ELFN1: variants seen among roughly 807,000 people sequenced by gnomAD.
ELFN1 encodes the protein protein ELFN1.
In ELFN1, 6 loss-of-function variants were observed where a neutral mutation model predicts 7.6. The ratio of observed to expected loss-of-function variants is 0.79; its 90% CI spans 0.43 to 1.56. The LOEUF is 1.56. Ranked by LOEUF, ELFN1 falls within the 40% of genes most tolerant of loss-of-function variation. ELFN1 has a pLI of 0.01. For synonymous variants in ELFN1, 657 were observed against 588.1 expected, an observed-to-expected ratio of 1.12 and a Z score of -1.70; for missense variants, 1,169 against 1,232.2, an observed-to-expected ratio of 0.95 and a Z score of 0.77.
rs536096245 is a variant in ELFN1 at position 1,676,557 on chromosome 7, A to G, written c.-549+6203A>G. On this transcript the variant is annotated intron_variant, in intron 1 of 3. Coordinates refer to ENST00000424383, the MANE Select transcript of ELFN1 (RefSeq NM_001128636.4). Reference sequence around the variant, plus strand: ...AAAGGGCAGAGCCGCCACTGCTGGCAGAATCCCCCGCCCTTCTGACTTGCC... The same window carrying G: ...AAAGGGCAGAGCCGCCACTGCTGGCGGAATCCCCCGCCCTTCTGACTTGCC... Among the ~76,000 whole-genome samples, 10 of 152,374 alleles carry G rather than the reference A, an allele frequency of 6.6e-5. No individual in the cohort carries two copies. In the East Asian group the frequency reaches 1.9e-3, roughly 29 times the overall value.
chr7:1,743,188 G>A (rs1043509004), intron 3 of ELFN1, among the ~76,000 whole-genome samples: 6 of 152,284 alleles, frequency 3.9e-5, no homozygotes, highest in African/African-American at 1.4e-4. Context: ...GGGCTTCCCC[G>A]CCTACAGCTC....
In ELFN1 at chr7:1,747,313, C is replaced by CACAG. The variant is rs3077247; in HGVS notation, c.*233_*234insGACA. 0.43 allele frequency: 119,833 copies of CACAG among 279,604 alleles called. 27,214 individuals carry two copies. The highest frequency in any genetic ancestry group is 0.56 in the Admixed American group (10,190 of 18,356). The allele number at this position is 279,604 out of a possible 1,614,324, so 17.3% of individuals were successfully genotyped here. On this transcript the variant is annotated 3_prime_UTR_variant, in exon 4 of 4. Transcript: ENST00000424383. Reference sequence around the variant, plus strand: ...CGGGTGGCACGTGTCCACACACACACACACACACACACACACACACACGAG... The same window carrying CACAG: ...CGGGTGGCACGTGTCCACACACACACACAGACACACACACACACACACACACGAG...
rs1430871003 is a variant in ELFN1, at chr7:1,705,933, G to C, written c.-455-3158G>C. ...CTGCGGTTCCAGACGAGATTGAACT[G>C]TGAGCCTTCACCCTGACAAAGGGAT... On this transcript the variant is annotated intron_variant, in intron 2 of 3. Transcript: ENST00000424383. This position sits in a 1 kb window ranked among gnomAD's most constrained non-coding sequence, Gnocchi z 4.3. Among the ~76,000 whole-genome samples the C allele has an allele frequency of 2.6e-5, 4 of 152,194 alleles. No homozygotes were observed. The highest frequency in any genetic ancestry group is 2.6e-4 in the Admixed American group (4 of 15,280).
intron 3 of ELFN1, among the ~76,000 whole-genome samples, chr7:1,725,956 G>A (rs2398736): frequency 0.42 from 63,719 of 151,612 alleles, 16,303 homozygotes; most frequent in African/African-American, 0.73. Context: ...ACGCACAAAA[G>A]TCACACAATA....
At chr7:1,690,495 A>G (rs10950332) in intron 2 of ELFN1, among the ~76,000 whole-genome samples, 127,737 of 151,194 alleles carry the variant, frequency 0.84, 54,468 homozygotes, top group African/African-American at 0.96. Context: ...TGGGTAGATA[A>G]GTGGATGGAT....
rs143376319 is a variant in ELFN1, at chr7:1,747,302, CCACACA to C, written c.*247_*252del. The stretch of plus-strand genomic sequence containing the variant: ...GCTTGTCGCCCCGGGTGGCACGTGT[CCACACA>C]CACACACACACACACACACACACAC... On this transcript the variant is annotated 3_prime_UTR_variant, in exon 4 of 4. Coordinates refer to ENST00000424383, the MANE Select transcript of ELFN1 (RefSeq NM_001128636.4). 151 of 270,268 alleles carry C rather than the reference CCACACA, an allele frequency of 5.6e-4. No individual in the cohort carries two copies. The highest frequency in any genetic ancestry group is 4.3e-3 in the African/African-American group (136 of 31,940). 16.7% of individuals were successfully genotyped at this position (270,268 alleles called of 1,614,324 possible).
intron 3 of ELFN1, among the ~76,000 whole-genome samples, chr7:1,733,593 G>A (rs1780369914): frequency 6.6e-6 from 1 of 152,106 alleles, no homozygotes; most frequent in Non-Finnish European, 1.5e-5. Flanking sequence ...TGCCTGGGGC[G>A]GCCGCATCCC....
chr7:1,717,751 G>A (rs577034068), intron 3 of ELFN1, among the ~76,000 whole-genome samples: 3 of 152,292 alleles, frequency 2.0e-5, no homozygotes, highest in South Asian at 2.1e-4. Flanking sequence ...TCCAACACAC[G>A]TGGCATGTGC....
chr7:1,674,654 G>T (rs1432536516), intron 1 of ELFN1, among the ~76,000 whole-genome samples: 1 of 152,154 alleles, frequency 6.6e-6, no homozygotes, highest in Non-Finnish European at 1.5e-5. Context: ...CTCGACGTCT[G>T]CCCTAATGTC....
At chr7:1,678,476 G>T (rs1008142382) in intron 1 of ELFN1, among the ~76,000 whole-genome samples, 4 of 152,206 alleles carry the variant, frequency 2.6e-5, no homozygotes, top group Non-Finnish European at 5.9e-5. Flanking sequence ...CCAGAAGGCC[G>T]AGGCATGGAG....
chr7:1,739,803 T>G lies in ELFN1; in HGVS notation c.-293-4501T>G, dbSNP rs1416441822. Among the ~76,000 whole-genome samples the G allele has an allele frequency of 6.6e-6, 1 of 151,582 alleles. No homozygotes were observed. The highest frequency in any genetic ancestry group is 1.5e-5 in the Non-Finnish European group (1 of 67,896). On this transcript the variant is annotated intron_variant, in intron 3 of 3. Transcript: ENST00000424383. The surrounding 1 kb of genome is among the most constrained non-coding windows in gnomAD (Gnocchi z 4.6). The stretch of plus-strand genomic sequence containing the variant: ...CACCGGTGGCCTTGGTGAGAGCGGC[T>G]CAGAGGGCCCGAGGGGGGACGCCCG...
rs573989725 is a variant in ELFN1 at position 1,745,307 on chromosome 7, C to T, written c.711C>T (p.Arg237=). 29 of 1,538,774 alleles carry T rather than the reference C, an allele frequency of 1.9e-5. No individual in the cohort carries two copies. Among genetic ancestry groups the T allele is most frequent in the Middle Eastern group, 3.3e-4 (2 of 5,988 alleles). ...ACTACCTCCTGGGCCAGGGCCGCCGCGGCCACCGCAGCATCCTCAGCAAAC... is the reference window on the plus strand; with the variant it reads ...ACTACCTCCTGGGCCAGGGCCGCCGTGGCCACCGCAGCATCCTCAGCAAAC... The part of the protein sequence containing the change: ...SGYYLLGQGR[R]GHRSILSKLQ... The change falls in exon 4 of 4, where the codon CGC becomes CGT. Residue 237 remains arginine (R), a synonymous_variant. Coordinates refer to ENST00000424383, the MANE Select transcript of ELFN1 (RefSeq NM_001128636.4).
chr7:1,730,317 G>A (rs1259340024), intron 3 of ELFN1, among the ~76,000 whole-genome samples: 1 of 152,228 alleles, frequency 6.6e-6, no homozygotes. Context: ...CAGCAACACT[G>A]TTTGATGAGC....
chr7:1,685,901 T>TATTATATTATA (rs1779054136), intron 1 of ELFN1, among the ~76,000 whole-genome samples: 1 of 147,838 alleles, frequency 6.8e-6, no homozygotes, highest in African/African-American at 2.5e-5. Flanking sequence ...TTATAGTTTA[T>TATTATATTATA]CTTTCAACGG....
upstream of ELFN1, among the ~76,000 whole-genome samples, chr7:1,667,175 G>C (rs1390874601): frequency 6.6e-6 from 1 of 151,818 alleles, no homozygotes; most frequent in Admixed American, 6.6e-5. The surrounding 1 kb of genome is among the most constrained non-coding windows in gnomAD (Gnocchi z 8.2). Flanking sequence ...TGGCCACCCG[G>C]TCACGGCCCT....
intron 2 of ELFN1, among the ~76,000 whole-genome samples, chr7:1,697,050 C>G (rs1779330929): frequency 6.6e-6 from 1 of 152,200 alleles, no homozygotes; most frequent in Non-Finnish European, 1.5e-5. Flanking sequence ...GGCCCAGCGC[C>G]CCTCACTGGC....
chr7:1,746,007 T>C lies in ELFN1; in HGVS notation c.1411T>C (p.Tyr471His). The C allele has an allele frequency of 1.3e-6, 2 of 1,544,236 alleles. No homozygotes were observed. The highest frequency in any genetic ancestry group is 1.7e-6 in the Non-Finnish European group (2 of 1,142,962). Residue 471 changes from tyrosine (Y) to histidine (H), a missense_variant, in exon 4 of 4, where the codon TAC (tyrosine) becomes CAC (histidine). Coordinates refer to ENST00000424383, the MANE Select transcript of ELFN1 (RefSeq NM_001128636.4). ...SLKKTIIELK[Y>H]GPELEAPGLA... ...CAAGAAGACCATCATCGAGCTCAAG[T>C]ACGGGCCAGAGCTGGAGGCGCCCGG...
chr7:1,738,547 G>T (rs1233433718), intron 3 of ELFN1: 1 of 152,324 alleles, frequency 6.6e-6, no homozygotes, highest in Non-Finnish European at 1.5e-5. Flanking sequence ...AGGCTGCAGT[G>T]AGCTATGATT....
At chr7:1,703,533 C>T (rs964482930) in intron 2 of ELFN1, among the ~76,000 whole-genome samples, 12 of 152,100 alleles carry the variant, frequency 7.9e-5, no homozygotes, top group Admixed American at 6.6e-4. Flanking sequence ...CTGCTTACCC[C>T]GTCTGGAATT....
Sources: allele counts gnomAD v4.1 joint callset (sites outside exome capture counted in the v4.1 genomes callset), GRCh38; gene constraint gnomAD v4.1.1; non-coding constraint Gnocchi (gnomAD v3.1); transcripts MANE v1.5; gene names NCBI Gene and HGNC (gene_info 2026-07-23, HGNC 2026-07-21).